Variants in ENOX1 observed in about 807,000 individuals in gnomAD.
The protein encoded by ENOX1 is candidate growth-related and time keeping constitutive hydroquinone (NADH) oxidase.
ENOX1 carries 42 observed loss-of-function variants against 82.5 expected under a neutral mutation model. That is an observed-to-expected ratio of 0.51 (90% confidence interval 0.40 to 0.66). The LOEUF is 0.66. Among genes scored for constraint, ENOX1 ranks in the 30% least tolerant of loss-of-function variants. The pLI, the probability that ENOX1 is intolerant of heterozygous loss-of-function variation, is 0.00. For synonymous variants in ENOX1, 271 were observed against 282.2 expected (o/e 0.96, Z 0.40); for missense variants, 608 against 811.6 (o/e 0.75, Z 3.05).
At chr13:43,364,910 A>G (rs1332142128) in intron 5 of ENOX1, among the ~76,000 whole-genome samples, 1 of 152,136 alleles carries the variant, frequency 6.6e-6, no homozygotes, top group East Asian at 1.9e-4. Context: ...AGGCCTGGGG[A>G]ATTCCAAACA....
intron 1 of ENOX1, among the ~76,000 whole-genome samples, chr13:43,763,740 T>C (rs1488642402): frequency 6.6e-6 from 1 of 152,202 alleles, no homozygotes; most frequent in African/African-American, 2.4e-5. Flanking sequence ...TATCTTTCCA[T>C]AGCAGTTGAT....
chr13:43,553,124 A>T (rs2153700698), intron 2 of ENOX1, among the ~76,000 whole-genome samples: 1 of 152,286 alleles, frequency 6.6e-6, no homozygotes, highest in East Asian at 1.9e-4. Context: ...ACCTAAAGAC[A>T]GGTGTTAGGA....
intron 11 of ENOX1, among the ~76,000 whole-genome samples, chr13:43,301,564 C>A (rs1196276007): frequency 8.6e-6 from 1 of 116,694 alleles, no homozygotes; most frequent in African/African-American, 3.1e-5. Flanking sequence ...AAACCCACAA[C>A]AGCTGTAATT....
At chr13:43,456,920 C>T (rs927312781) in intron 3 of ENOX1, among the ~76,000 whole-genome samples, 1 of 152,158 alleles carries the variant, frequency 6.6e-6, no homozygotes, top group African/African-American at 2.4e-5. Context: ...CTCAGCTATT[C>T]CTCCTCCATC....
intron 1 of ENOX1, among the ~76,000 whole-genome samples, chr13:43,752,843 C>T (rs1950392332): frequency 6.6e-6 from 1 of 151,850 alleles, no homozygotes; most frequent in African/African-American, 2.4e-5. Flanking sequence ...TTTGGCTATT[C>T]CAGGTTCATT....
chr13:43,368,948 C>T (rs2051029137), intron 5 of ENOX1, among the ~76,000 whole-genome samples: 1 of 152,178 alleles, frequency 6.6e-6, no homozygotes, highest in Admixed American at 6.5e-5. Flanking sequence ...TCACTGTGCA[C>T]CTGAGTTCTC....
chr13:43,689,940 G>T (rs1345424038), intron 1 of ENOX1, among the ~76,000 whole-genome samples: 1 of 152,134 alleles, frequency 6.6e-6, no homozygotes, highest in Non-Finnish European at 1.5e-5. Context: ...AAAGAAGCTA[G>T]ACTTCACCCT....
chr13:43,272,731 A>C (rs760653773), intron 12 of ENOX1, among the ~76,000 whole-genome samples: 1 of 152,220 alleles, frequency 6.6e-6, no homozygotes, highest in Non-Finnish European at 1.5e-5. Context: ...AAGACCAATT[A>C]ACTCAGAATA....
intron 1 of ENOX1, among the ~76,000 whole-genome samples, chr13:43,690,856 A>C (rs1352475000): frequency 6.6e-6 from 1 of 152,330 alleles, no homozygotes; most frequent in East Asian, 1.9e-4. Context: ...GGCTAAGTTA[A>C]ATATATAGTT....
intron 12 of ENOX1, among the ~76,000 whole-genome samples, chr13:43,277,311 A>G (rs2045104390): frequency 6.6e-6 from 1 of 152,188 alleles, no homozygotes; most frequent in Non-Finnish European, 1.5e-5. Flanking sequence ...TTTATAGCTG[A>G]GAGATGGTGG....
At chr13:43,576,786 T>A (rs1222799839) in intron 2 of ENOX1, among the ~76,000 whole-genome samples, 1 of 152,242 alleles carries the variant, frequency 6.6e-6, no homozygotes, top group Non-Finnish European at 1.5e-5. Flanking sequence ...AGTATTTCTA[T>A]GGAACAGCAC....
intron 5 of ENOX1, among the ~76,000 whole-genome samples, chr13:43,410,723 A>G (rs750591807): frequency 6.6e-6 from 1 of 152,198 alleles, no homozygotes; most frequent in Non-Finnish European, 1.5e-5. Flanking sequence ...AACAAAAAAC[A>G]AATGCTTGGT....
At chr13:43,510,896 G>A (rs551048931) in intron 2 of ENOX1, among the ~76,000 whole-genome samples, 80 of 152,144 alleles carry the variant, frequency 5.3e-4, no homozygotes, top group African/African-American at 1.8e-3. Context: ...CATTAAGTAC[G>A]GCTGCTAGTG....
chr13:43,739,048 C>T (rs1282833437), intron 1 of ENOX1, among the ~76,000 whole-genome samples: 2 of 152,178 alleles, frequency 1.3e-5, no homozygotes, highest in Non-Finnish European at 2.9e-5. Context: ...CTCCCATTTC[C>T]TCTATCTCCA....
intron 1 of ENOX1, among the ~76,000 whole-genome samples, chr13:43,702,963 A>AAAAAAAG (rs2087003616): frequency 6.8e-6 from 1 of 146,680 alleles, no homozygotes; most frequent in Admixed American, 6.7e-5. Context: ...CAAAAAAAAA[A>AAAAAAAG]AAAAAAAAAA....
At chr13:43,398,433 C>T (rs1440018941) in intron 5 of ENOX1, among the ~76,000 whole-genome samples, 2 of 152,092 alleles carry the variant, frequency 1.3e-5, no homozygotes, top group Non-Finnish European at 2.9e-5. Context: ...TTGCAGTTTC[C>T]AGGCCTCATG....
At chr13:43,344,147 C>T (rs2049233493) in intron 9 of ENOX1, among the ~76,000 whole-genome samples, 1 of 152,158 alleles carries the variant, frequency 6.6e-6, no homozygotes. Flanking sequence ...AAAATGTGTT[C>T]AAGTTTGCTT....
intron 11 of ENOX1, among the ~76,000 whole-genome samples, chr13:43,312,281 T>G (rs2047247730): frequency 6.6e-6 from 1 of 152,178 alleles, no homozygotes; most frequent in Non-Finnish European, 1.5e-5. Context: ...ACTCTTATTT[T>G]AAAGCTATAT....
chr13:43,763,591 C>T (rs1474427537), intron 1 of ENOX1, among the ~76,000 whole-genome samples: 2 of 152,202 alleles, frequency 1.3e-5, no homozygotes, highest in Non-Finnish European at 2.9e-5. Context: ...AGTGTCTTCT[C>T]ACTACAACCC....
Sources: gnomAD v4.1 joint callset for allele counts (sites outside exome capture counted in the v4.1 genomes callset) on GRCh38, gnomAD v4.1.1 for gene constraint, MANE v1.5 for transcripts, NCBI Gene and HGNC (gene_info 2026-07-23, HGNC 2026-07-21) for gene names.